ANTXR2: variants seen among roughly 807,000 people sequenced by gnomAD.
ANTXR2 encodes ANTXR cell adhesion molecule 2, also known as anthrax toxin receptor 2.
Under a neutral mutation model 73.7 loss-of-function variants are expected in ANTXR2, and 44 were observed. The observed-to-expected ratio is 0.60, with a 90% CI of 0.47 to 0.77. The LOEUF is 0.77. Among genes scored for constraint, ANTXR2 ranks in the 30% least tolerant of loss-of-function variants. ANTXR2 has a pLI of 0.00. For synonymous variants in ANTXR2, 217 were observed against 205.9 expected (o/e 1.05, Z -0.46); for missense variants, 604 against 592.5 (o/e 1.02, Z -0.20).
At position 79,906,181 on chromosome 4, in the gene ANTXR2, T is replaced by C. The variant is rs1464175529; in HGVS notation, c.*1248A>G. Reference sequence around the variant, plus strand: ...ACACGATGGTGGTTTTTCTAAAAAATTATAATACATACATCGTCAATGTTT... The same window carrying C: ...ACACGATGGTGGTTTTTCTAAAAAACTATAATACATACATCGTCAATGTTT... On this transcript the variant is annotated 3_prime_UTR_variant, in exon 17 of 17. Transcript: ENST00000403729. The C allele has an allele frequency of 6.6e-6, 1 of 152,590 alleles. No homozygotes were observed. Among genetic ancestry groups the C allele is most frequent in the African/African-American group, 2.4e-5 (1 of 41,440 alleles). The allele number at this position is 152,590 out of a possible 1,614,324, so 9.5% of individuals were successfully genotyped here.
rs528628517 is a variant in ANTXR2 at position 79,953,851 on chromosome 4, T to C, written c.1428+23770A>G. ...AGATACTTAATATTTATGTTTTGTA[T>C]GTATTATATTTAAATATTCACTAGT... On this transcript the variant is annotated intron_variant, in intron 16 of 16. Coordinates refer to ENST00000403729, the MANE Select transcript of ANTXR2 (RefSeq NM_058172.6). 2.0e-5 allele frequency among the ~76,000 whole-genome samples: 3 copies of C among 150,838 alleles called. No individual in the cohort carries two copies. In the South Asian group the frequency reaches 6.3e-4, roughly 32 times the overall value.
At chr4:79,936,301 G>A (rs962214274) in intron 16 of ANTXR2, among the ~76,000 whole-genome samples, 3 of 150,298 alleles carry the variant, frequency 2.0e-5, no homozygotes, top group African/African-American at 7.6e-5. Flanking sequence ...ATGACAAAAT[G>A]CTATTTAACT....
intron 3 of ANTXR2, among the ~76,000 whole-genome samples, chr4:80,068,343 AC>A (rs1174619578): frequency 1.3e-5 from 2 of 152,220 alleles, no homozygotes; most frequent in African/African-American, 2.4e-5. Flanking sequence ...TTTCAAAATA[AC>A]AGGAAACCAC....
intron 12 of ANTXR2, among the ~76,000 whole-genome samples, chr4:79,999,711 C>T (rs1730926349): frequency 6.6e-6 from 1 of 151,880 alleles, no homozygotes; most frequent in Non-Finnish European, 1.5e-5. Context: ...AGTTTAGAAA[C>T]TATCATAATT....
At chr4:79,966,172 C>T (rs1729355516) in intron 16 of ANTXR2, among the ~76,000 whole-genome samples, 2 of 145,634 alleles carry the variant, frequency 1.4e-5, no homozygotes, top group South Asian at 4.6e-4. Flanking sequence ...AAAGACAATT[C>T]ATTTTCTCCT....
rs1398312426 is a variant in ANTXR2, at chr4:80,033,944, C to T, written c.698-374G>A. On this transcript the variant is annotated intron_variant, in intron 8 of 16. Transcript: ENST00000403729. ...GGGGAAAAAACTTTGTTTTTCCCTA[C>T]TCTCAGGTATTAAAGTTTGGGAATG... Among the ~76,000 whole-genome samples the T allele has an allele frequency of 2.0e-5, 3 of 152,046 alleles. No homozygotes were observed. In the East Asian group the frequency reaches 5.8e-4, roughly 29 times the overall value.
intron 12 of ANTXR2, among the ~76,000 whole-genome samples, chr4:79,987,178 C>T (rs965773989): frequency 7.9e-5 from 12 of 151,072 alleles, no homozygotes; most frequent in African/African-American, 2.0e-4. Context: ...ATCTGGATGG[C>T]GGAGAAGCCC....
chr4:80,005,532 A>T (rs1363355974), intron 12 of ANTXR2, among the ~76,000 whole-genome samples: 1 of 151,974 alleles, frequency 6.6e-6, no homozygotes, highest in Non-Finnish European at 1.5e-5. Context: ...TAAGATAAAC[A>T]CCCTGCGATT....
Position 79,903,565 on chromosome 4 carries a change from CA to C in ANTXR2, c.*3863del, listed in dbSNP as rs879205030. On this transcript the variant is annotated 3_prime_UTR_variant, in exon 17 of 17. Transcript: ENST00000403729. ...CATTATGGATTTTCAAAAACAACAA[CA>C]AAAAAGTCTTTCTTTTATCCGATCG... 3 of 152,050 alleles carry C rather than the reference CA, an allele frequency of 2.0e-5. No individual in the cohort carries two copies. The South Asian group carries it at 6.2e-4, about 32-fold the overall frequency. The allele number at this position is 152,050 out of a possible 1,614,324, so 9.4% of individuals were successfully genotyped here. A position where few individuals can be genotyped will look rare whatever the true frequency, so the allele number is the denominator to read the frequency against.
At chr4:80,011,601 A>G (rs1229090888) in intron 11 of ANTXR2, among the ~76,000 whole-genome samples, 1 of 152,190 alleles carries the variant, frequency 6.6e-6, no homozygotes, top group African/African-American at 2.4e-5. Flanking sequence ...TTCGCTCGTG[A>G]TATAGATCTA....
chr4:79,934,947 G>A (rs1204727666), intron 16 of ANTXR2, among the ~76,000 whole-genome samples: 1 of 152,108 alleles, frequency 6.6e-6, no homozygotes, highest in South Asian at 2.1e-4. Context: ...TGGGCCTTCT[G>A]TTAAGAAAAC....
chr4:80,072,478 C>A lies in ANTXR2; in HGVS notation c.83G>T (p.Gly28Val). ...GLWLLVLSGP[G>V]GLLRAQEQPS... is the part of the protein sequence containing the mutation. ...CTGCTCCTGGGCGCGCAGCAGCCCC[C>A]CGGGACCGCTGAGCACCAACAGCCA... is the stretch of plus-strand genomic sequence containing the variant. The change falls in exon 1 of 17, where the codon GGG becomes GTG. Residue 28 changes from glycine to valine, a missense_variant. Gly to Val is a moderately radical substitution (Grantham distance 109). Coordinates refer to ENST00000403729, the MANE Select transcript of ANTXR2 (RefSeq NM_058172.6). The A allele has an allele frequency of 1.2e-6, 2 of 1,610,528 alleles. No individual in the cohort carries two copies. The highest frequency in any genetic ancestry group is 1.3e-5 in the African/African-American group (1 of 74,606).
chr4:79,946,134 C>G (rs866171128), intron 16 of ANTXR2, among the ~76,000 whole-genome samples: 1 of 151,890 alleles, frequency 6.6e-6, no homozygotes, highest in Non-Finnish European at 1.5e-5. Context: ...TATAACGATC[C>G]CCATTTAAAA....
At chr4:80,068,126 T>C (rs528011979) in intron 3 of ANTXR2, among the ~76,000 whole-genome samples, 2 of 152,224 alleles carry the variant, frequency 1.3e-5, no homozygotes, top group South Asian at 2.1e-4. Context: ...TAAAATCTTA[T>C]ACGGATAATT....
chr4:80,071,141 G>A (rs1339845464), intron 2 of ANTXR2, among the ~76,000 whole-genome samples: 4 of 152,204 alleles, frequency 2.6e-5, no homozygotes, highest in Non-Finnish European at 5.9e-5. Context: ...TTTTCTGGTA[G>A]CGGGTTATTA....
intron 3 of ANTXR2, among the ~76,000 whole-genome samples, chr4:80,062,054 G>T (rs910127476): frequency 6.6e-6 from 1 of 152,082 alleles, no homozygotes; most frequent in Non-Finnish European, 1.5e-5. Context: ...TAAAATCTTG[G>T]GAACTAATGG....
At chr4:80,014,766 G>GCA (rs770324633) in intron 11 of ANTXR2, among the ~76,000 whole-genome samples, 1 of 152,104 alleles carries the variant, frequency 6.6e-6, no homozygotes, top group Admixed American at 6.6e-5. Context: ...GGTCTCTGTA[G>GCA]AAGCGGAGAA....
intron 16 of ANTXR2, among the ~76,000 whole-genome samples, chr4:79,935,134 T>C (rs577047931): frequency 1.3e-5 from 2 of 151,070 alleles, no homozygotes; most frequent in Admixed American, 6.6e-5. Flanking sequence ...TGCTAAGAAA[T>C]TTGATAGGTT....
At chr4:80,026,822 T>C (rs4336167) in intron 10 of ANTXR2, among the ~76,000 whole-genome samples, 14,338 of 152,162 alleles carry the variant, frequency 0.094, 771 homozygotes, top group Middle Eastern at 0.23. Flanking sequence ...TTGTATCCTA[T>C]TTAACATTCC....
Sources: gnomAD v4.1 joint callset for allele counts (sites outside exome capture counted in the v4.1 genomes callset) on GRCh38, gnomAD v4.1.1 for gene constraint, MANE v1.5 for transcripts, NCBI Gene and HGNC (gene_info 2026-07-23, HGNC 2026-07-21) for gene names.